The following CDH4 variants were observed in gnomAD, a reference collection of about 807,000 sequenced individuals.
The protein encoded by CDH4 is cadherin 4, also known as cadherin-4.
A neutral mutation model predicts 86.0 loss-of-function variants in CDH4; 33 were observed. The ratio of observed to expected loss-of-function variants is 0.38; its 90% CI spans 0.29 to 0.51. CDH4 has a LOEUF of 0.51. Among genes scored for constraint, CDH4 ranks in the 20% least tolerant of loss-of-function variants. CDH4 has a pLI of 0.86. For missense variants in CDH4, 1,114 were observed against 1,307.4 expected, an observed-to-expected ratio of 0.85 and a Z score of 2.28; for synonymous variants, 555 against 549.4, an observed-to-expected ratio of 1.01 and a Z score of -0.14.
At chr20:61,727,821 A>G (rs994506586) in intron 2 of CDH4, among the ~76,000 whole-genome samples, 1 of 152,148 alleles carries the variant, frequency 6.6e-6, no homozygotes, top group African/African-American at 2.4e-5. Flanking sequence ...CCATGACCCA[A>G]ATGCCTCCCC....
chr20:61,457,615 C>A (rs949185123), intron 2 of CDH4, among the ~76,000 whole-genome samples: 7 of 152,246 alleles, frequency 4.6e-5, no homozygotes, highest in Admixed American at 3.9e-4. Flanking sequence ...ATGGTGCTGA[C>A]AGTGCTGGCA....
intron 2 of CDH4, among the ~76,000 whole-genome samples, chr20:61,322,945 T>G (rs1371278688): frequency 2.0e-5 from 3 of 152,172 alleles, no homozygotes; most frequent in African/African-American, 7.2e-5. Flanking sequence ...GGTCTTGTTA[T>G]CTTTTACAGA....
chr20:61,333,383 G>T (rs2084596032), intron 2 of CDH4, among the ~76,000 whole-genome samples: 1 of 152,164 alleles, frequency 6.6e-6, no homozygotes, highest in Non-Finnish European at 1.5e-5. Flanking sequence ...GACATTGCAG[G>T]GGTGCGGGTT....
chr20:61,909,156 G>A (rs1047538071), intron 8 of CDH4, among the ~76,000 whole-genome samples: 4 of 152,180 alleles, frequency 2.6e-5, no homozygotes, highest in Admixed American at 1.3e-4. Flanking sequence ...CTTCCCACCC[G>A]GGGACACTCC....
chr20:61,337,298 A>ATAC (rs1568803682), intron 2 of CDH4, among the ~76,000 whole-genome samples: 14 of 20,056 alleles, frequency 7.0e-4, no homozygotes, highest in Admixed American at 1.3e-3. Context: ...ACTAATGGTG[A>ATAC]TGATAATGAT....
intron 2 of CDH4, among the ~76,000 whole-genome samples, chr20:61,686,820 C>T (rs1328864603): frequency 3.3e-5 from 5 of 152,128 alleles, no homozygotes; most frequent in African/African-American, 1.2e-4. Flanking sequence ...CATGTGTGGT[C>T]ATGTGTGCAG....
chr20:61,357,461 G>C (rs1281355815), intron 2 of CDH4, among the ~76,000 whole-genome samples: 1 of 152,224 alleles, frequency 6.6e-6, no homozygotes, highest in South Asian at 2.1e-4. Context: ...CCTGGAACCT[G>C]CCCTTCATCT....
intron 4 of CDH4, among the ~76,000 whole-genome samples, chr20:61,835,788 G>A (rs1386752527): frequency 6.6e-6 from 1 of 152,216 alleles, no homozygotes; most frequent in Admixed American, 6.5e-5. Flanking sequence ...AGGTCCAGGT[G>A]GGCCTCTCTG....
chr20:61,618,004 G>A (rs560944250), intron 2 of CDH4, among the ~76,000 whole-genome samples: 57 of 152,262 alleles, frequency 3.7e-4, no homozygotes, highest in African/African-American at 9.6e-4. Context: ...CTTGCCTGCC[G>A]CCATGTAAGA....
intron 2 of CDH4, among the ~76,000 whole-genome samples, chr20:61,702,043 A>C (rs1473004937): frequency 2.0e-5 from 3 of 152,170 alleles, no homozygotes; most frequent in African/African-American, 7.2e-5. Flanking sequence ...GCCCCTCTTC[A>C]CCGAAGTGCA....
rs1224948273 is a variant in CDH4 at position 61,902,946 on chromosome 20, G to T, written c.1189-7476G>T. ...AGGCAGGAGGATCACTTGAGCCCAG[G>T]AGTTCGAGGCTGCAGTGAGGTGTGA... On this transcript the variant is annotated intron_variant, in intron 8 of 15. Transcript: ENST00000614565. This position sits in a 1 kb window ranked among gnomAD's most constrained non-coding sequence, Gnocchi z 4.6. 6.9e-6 allele frequency among the ~76,000 whole-genome samples: 1 copy of T among 144,748 alleles called. No individual in the cohort carries two copies. The highest frequency in any genetic ancestry group is 1.5e-5 in the Non-Finnish European group (1 of 67,134). The allele number at this position is 144,748 out of a possible 152,430, so 95.0% of individuals were successfully genotyped here.
intron 15 of CDH4, among the ~76,000 whole-genome samples, chr20:61,936,428 C>CCCAT (rs1555864147): frequency 2.5e-5 from 1 of 40,306 alleles, no homozygotes; most frequent in African/African-American, 9.5e-5. Flanking sequence ...ACCCCCCCCC[C>CCCAT]CATCTGCCCT....
Position 61,923,937 on chromosome 20 carries a change from A to C in CDH4, c.1628+233A>C, listed in dbSNP as rs191709107. Among the ~76,000 whole-genome samples, 126 of 152,256 alleles carry C rather than the reference A, an allele frequency of 8.3e-4. 1 individual carries two copies. The highest frequency in any genetic ancestry group is 3.0e-3 in the African/African-American group (124 of 41,548). On this transcript the variant is annotated intron_variant, in intron 10 of 15. Transcript: ENST00000614565. Reference sequence around the variant, plus strand: ...TGTGACCGGTGCTTACTCATTCAGCACTGTCTAGACACAGGCCGGCCCGAT... The same window carrying C: ...TGTGACCGGTGCTTACTCATTCAGCCCTGTCTAGACACAGGCCGGCCCGAT...
chr20:61,620,216 A>T (rs1190827626), intron 2 of CDH4, among the ~76,000 whole-genome samples: 44 of 5,098 alleles, frequency 8.6e-3, no homozygotes, highest in Non-Finnish European at 0.014. Flanking sequence ...ACAGACAGGC[A>T]GGCTGGTAGG....
At chr20:61,558,747 A>G (rs943477683) in intron 2 of CDH4, among the ~76,000 whole-genome samples, 1 of 152,250 alleles carries the variant, frequency 6.6e-6, no homozygotes, top group Non-Finnish European at 1.5e-5. Context: ...ACACATGTCA[A>G]TACTCATTGT....
intron 2 of CDH4, among the ~76,000 whole-genome samples, chr20:61,305,607 C>T (rs1396168593): frequency 6.6e-6 from 1 of 152,230 alleles, no homozygotes; most frequent in Non-Finnish European, 1.5e-5. Context: ...GGTTCACGAA[C>T]CTCTCTCTTC....
chr20:61,575,452 T>C (rs1013360626), intron 2 of CDH4, among the ~76,000 whole-genome samples: 1 of 152,220 alleles, frequency 6.6e-6, no homozygotes, highest in African/African-American at 2.4e-5. Context: ...TGTTGGGTAG[T>C]CTATAATGGT....
chr20:61,905,998 C>G (rs3787412), intron 8 of CDH4, among the ~76,000 whole-genome samples: 1 of 152,088 alleles, frequency 6.6e-6, no homozygotes, highest in Non-Finnish European at 1.5e-5. Flanking sequence ...TTCCTCCAGC[C>G]GGCTTTGTTC....
chr20:61,360,755 A>G (rs902520261), intron 2 of CDH4, among the ~76,000 whole-genome samples: 10 of 152,182 alleles, frequency 6.6e-5, no homozygotes, highest in African/African-American at 2.4e-4. Context: ...TGGAAAAGAA[A>G]ACTGTAAAGA....
Sources: gnomAD v4.1 joint callset for allele counts (sites outside exome capture counted in the v4.1 genomes callset) on GRCh38, gnomAD v4.1.1 for gene constraint, Gnocchi (gnomAD v3.1) non-coding constraint, MANE v1.5 for transcripts, NCBI Gene and HGNC (gene_info 2026-07-23, HGNC 2026-07-21) for gene names.